The following TANC1 variants were observed in gnomAD, a reference collection of about 807,000 sequenced individuals.
TANC1 encodes the protein tetratricopeptide repeat, ankyrin repeat and coiled-coil containing 1, also known as protein TANC1.
A neutral mutation model predicts 149.7 loss-of-function variants in TANC1; 77 were observed. The observed-to-expected ratio is 0.51, with a 90% CI of 0.43 to 0.62. The LOEUF (loss-of-function observed/expected upper bound fraction) is 0.62. TANC1 is among the 20% of genes least tolerant of loss of function. The probability of loss-of-function intolerance (pLI) is 0.00; values close to 1 mark genes in which losing one functional copy is unlikely to be tolerated. For synonymous variants in TANC1, 854 were observed against 925.0 expected, an observed-to-expected ratio of 0.92 and a Z score of 1.39; for missense variants, 1,985 against 2,321.8, an observed-to-expected ratio of 0.85 and a Z score of 2.98.
rs368016524 is a variant in TANC1 at position 159,159,096 on chromosome 2, G to T, written c.683-4187G>T. Among the ~76,000 whole-genome samples, 15 of 152,280 alleles carry T rather than the reference G, an allele frequency of 9.9e-5. No individual in the cohort carries two copies. The East Asian group carries it at 2.7e-3, about 27-fold the overall frequency. On this transcript the variant is annotated intron_variant, in intron 7 of 26. Coordinates refer to ENST00000263635, the MANE Select transcript of TANC1 (RefSeq NM_033394.3). ...TGGATCCCACCAAACTACCTATAGG[G>T]CCCTGGACCGACACTGATTTTATTT... is the stretch of plus-strand genomic sequence containing the variant.
At chr2:159,212,052 T>C (rs2059021739) in intron 19 of TANC1, among the ~76,000 whole-genome samples, 1 of 152,270 alleles carries the variant, frequency 6.6e-6, no homozygotes, top group Admixed American at 6.5e-5. Flanking sequence ...ATTTCTGATG[T>C]GCTGCTGTTG....
At chr2:159,139,116 C>G (rs1343541602) in intron 5 of TANC1, among the ~76,000 whole-genome samples, 1 of 151,906 alleles carries the variant, frequency 6.6e-6, no homozygotes. Flanking sequence ...ACCTGTAATT[C>G]CAGTGATTCA....
chr2:159,076,646 AT>A (rs1449107103), intron 3 of TANC1, among the ~76,000 whole-genome samples: 2 of 152,182 alleles, frequency 1.3e-5, no homozygotes, highest in Admixed American at 6.5e-5. Context: ...ATGTGTAGAG[AT>A]TCTTTTTTAA....
intron 1 of TANC1, among the ~76,000 whole-genome samples, chr2:158,971,456 A>G (rs2032866412): frequency 6.6e-6 from 1 of 152,044 alleles, no homozygotes; most frequent in African/African-American, 2.4e-5. Context: ...TTACAGAAGC[A>G]AAATAAAGAA....
At chr2:159,189,755 G>A (rs578092260) in intron 16 of TANC1, among the ~76,000 whole-genome samples, 4 of 152,130 alleles carry the variant, frequency 2.6e-5, no homozygotes, top group African/African-American at 9.6e-5. Flanking sequence ...TTACAGCCCT[G>A]GCTGCCAGCT....
At chr2:159,148,938 T>A in intron 5 of TANC1, 1 of 496,430 alleles carries the variant, frequency 2.0e-6, no homozygotes, top group Non-Finnish European at 3.5e-6. Context: ...GCACTTGGAG[T>A]TTTTGTTTTA....
chr2:159,219,385 G>A (rs1559481571), intron 21 of TANC1, 24 bp downstream of exon 21: 7 of 1,613,880 alleles, frequency 4.3e-6, no homozygotes, highest in Non-Finnish European at 5.9e-6. Context: ...GCCCTCAAAG[G>A]TTTCTTTTGG....
At chr2:159,106,323 A>T (rs1440422081) in intron 4 of TANC1, among the ~76,000 whole-genome samples, 7 of 151,506 alleles carry the variant, frequency 4.6e-5, no homozygotes, top group African/African-American at 7.3e-5. Flanking sequence ...CTTACTCTTC[A>T]CTCCCTACTT....
chr2:159,172,059 T>C lies in TANC1; in HGVS notation c.1352-62T>C, dbSNP rs192326096. On this transcript the variant is annotated intron_variant, in intron 10 of 26. Coordinates refer to ENST00000263635, the MANE Select transcript of TANC1 (RefSeq NM_033394.3). ...ATGCCCTGGCACAAATCAAGAAATATATTCAATACCACACCCTGCTCCTAC... is the reference window on the plus strand; with the variant it reads ...ATGCCCTGGCACAAATCAAGAAATACATTCAATACCACACCCTGCTCCTAC... 148 of 1,503,886 alleles carry C rather than the reference T, an allele frequency of 9.8e-5. 1 individual carries two copies. Among genetic ancestry groups the C allele is most frequent in the Admixed American group, 9.4e-4 (51 of 54,256 alleles). 93.2% of individuals were successfully genotyped at this position (1,503,886 alleles called of 1,614,324 possible).
intron 2 of TANC1, among the ~76,000 whole-genome samples, chr2:159,005,471 G>A (rs990330551): frequency 7.2e-5 from 11 of 152,128 alleles, no homozygotes; most frequent in African/African-American, 2.7e-4. Flanking sequence ...TGCGCCTATA[G>A]TGCAAGCTAC....
intron 4 of TANC1, among the ~76,000 whole-genome samples, chr2:159,100,054 A>G (rs946361057): frequency 6.6e-6 from 1 of 152,174 alleles, no homozygotes; most frequent in Non-Finnish European, 1.5e-5. Context: ...ATCTCTATAT[A>G]ATAGATAATA....
At chr2:159,108,624 T>C (rs2047418078) in intron 4 of TANC1, among the ~76,000 whole-genome samples, 1 of 152,076 alleles carries the variant, frequency 6.6e-6, no homozygotes, top group African/African-American at 2.4e-5. Flanking sequence ...AAAGCAGAAA[T>C]AAACAGGAAA....
At chr2:159,220,342 C>T (rs1330549027) in intron 22 of TANC1, among the ~76,000 whole-genome samples, 3 of 151,034 alleles carry the variant, frequency 2.0e-5, no homozygotes, top group Non-Finnish European at 2.9e-5. Context: ...GAGTCTTGCT[C>T]TGTTGCCCAG....
intron 4 of TANC1, among the ~76,000 whole-genome samples, chr2:159,127,253 C>G (rs1020378947): frequency 1.3e-5 from 2 of 152,156 alleles, no homozygotes; most frequent in African/African-American, 4.8e-5. Context: ...CAAATCAGAA[C>G]CACAATGAGA....
rs1333895881 is a variant in TANC1, at chr2:159,037,841, CT to C, written c.-15-28049del. On this transcript the variant is annotated intron_variant, in intron 2 of 26. Transcript: ENST00000263635. ...TAGGATTGCCTTGGCAATGGAGGCT[CT>C]TTTTTAGTTCCATATGGACTTTAAG... is the stretch of plus-strand genomic sequence containing the variant. Among the ~76,000 whole-genome samples, 4 of 152,304 alleles carry C rather than the reference CT, an allele frequency of 2.6e-5. No homozygotes were observed. In the South Asian group the frequency reaches 6.2e-4, roughly 24 times the overall value.
chr2:159,150,792 A>G (rs901462109), intron 7 of TANC1: 3 of 430,304 alleles, frequency 7.0e-6, no homozygotes, highest in Non-Finnish European at 1.3e-5. Context: ...AAAAAAAAAA[A>G]AGGAATTCCA....
At chr2:159,091,427 C>T (rs2045526673) in intron 3 of TANC1, among the ~76,000 whole-genome samples, 1 of 152,186 alleles carries the variant, frequency 6.6e-6, no homozygotes, top group Admixed American at 6.5e-5. Flanking sequence ...TTTTAAATTG[C>T]ACCCCTCTGG....
chr2:159,137,518 C>T (rs1306228501), intron 5 of TANC1, among the ~76,000 whole-genome samples: 1 of 152,150 alleles, frequency 6.6e-6, no homozygotes, highest in Non-Finnish European at 1.5e-5. Context: ...AGGATTTGAG[C>T]TGAGGATTTG....
intron 19 of TANC1, among the ~76,000 whole-genome samples, chr2:159,210,002 C>T (rs1254895561): frequency 6.6e-6 from 1 of 152,104 alleles, no homozygotes; most frequent in African/African-American, 2.4e-5. Context: ...TGAATACAAG[C>T]AAGTAAATTG....
Sources: gnomAD v4.1 joint callset for allele counts (sites outside exome capture counted in the v4.1 genomes callset) on GRCh38, gnomAD v4.1.1 for gene constraint, MANE v1.5 for transcripts, NCBI Gene and HGNC (gene_info 2026-07-23, HGNC 2026-07-21) for gene names.